Variants in TEDC1 observed in about 807,000 individuals in gnomAD.
TEDC1 encodes tubulin epsilon and delta complex 1.
TEDC1 carries 54 observed loss-of-function variants against 59.9 expected under a neutral mutation model. That is an observed-to-expected ratio of 0.90 (90% CI 0.72 to 1.13). The LOEUF is 1.13. Among genes scored for constraint, TEDC1 ranks in the 50% most tolerant of loss-of-function variants. The pLI is 0.00. For synonymous variants in TEDC1, 353 were observed against 298.1 expected (o/e 1.18, Z -1.90); for missense variants, 734 against 683.4 (o/e 1.07, Z -0.83).
chr14:105,494,175 G>A (rs943940867), intron 5 of TEDC1: 5 of 570,922 alleles, frequency 8.8e-6, no homozygotes, highest in South Asian at 4.0e-5. Flanking sequence ...ACGGGTGGGG[G>A]CCCAGGACGC....
chr14:105,491,521 C>G lies in TEDC1; in HGVS notation c.146C>G (p.Ala49Gly). 1 of 1,518,060 alleles carries G rather than the reference C, an allele frequency of 6.6e-7. No individual in the cohort carries two copies. The highest frequency in any genetic ancestry group is 1.2e-5 in the South Asian group (1 of 80,050). 94.0% of individuals were successfully genotyped at this position (1,518,060 alleles called of 1,614,324 possible). A position where few individuals can be genotyped will look rare whatever the true frequency, so the allele number is the denominator to read the frequency against. Residue 49 changes from alanine (A) to glycine (G), a missense_variant and splice_region_variant, in exon 1 of 9, where the codon GCG becomes GGG. Ala to Gly is a moderately conservative substitution (Grantham distance 60, BLOSUM62 0). Coordinates refer to ENST00000392523, the MANE Select transcript of TEDC1 (RefSeq NM_001367178.1). ...CGCGCCAAGTTCGACCGTCCGGAGG[C>G]GGTGACGCTCTCGCGGAGGGCAGGC... Reference protein sequence around the residue: ...FRRAKFDRPEATSALWQLLFR... With the variant: ...FRRAKFDRPEGTSALWQLLFR...
chr14:105,492,077 TC>T (rs1466969918), intron 2 of TEDC1, 29 bp from the exon 3 acceptor site: 17 of 1,559,578 alleles, frequency 1.1e-5, no homozygotes, highest in Non-Finnish European at 1.0e-5. Context: ...AGGTGGGTGG[TC>T]CCCCTAAGGT....
chr14:105,493,990 GGGACTGCCCAGGGTGGGAGGGGCCT>G, intron 5 of TEDC1, 57 bp downstream of exon 5: 4 of 714,472 alleles, frequency 5.6e-6, no homozygotes, highest in East Asian at 4.1e-5. Context: ...GCACAGCAGG[GGGACTGCCCAGGGTGGGAGGGGCCT>G]GGGGGCGGGG....
Position 105,498,857 on chromosome 14 carries a change from C to T in TEDC1, c.1399C>T (p.Arg467Cys), listed in dbSNP as rs150700739. The part of the protein sequence containing the change: ...SQEACLEAVL[R>C]RLQGQCRQEL... ...GGAGGCCTGCCTGGAGGCGGTGCTACGTCGACTACAGGGACAGTGTCGGCA... is the reference window on the plus strand; with the variant it reads ...GGAGGCCTGCCTGGAGGCGGTGCTATGTCGACTACAGGGACAGTGTCGGCA... Residue 467 changes from arginine to cysteine, a missense_variant, in exon 9 of 9, where the codon CGT becomes TGT. Transcript: ENST00000392523. The T allele has an allele frequency of 9.6e-5, 155 of 1,611,728 alleles. No individual in the cohort carries two copies. The highest frequency in any genetic ancestry group is 8.5e-4 in the East Asian group (38 of 44,818).
intron 5 of TEDC1, chr14:105,494,431 C>T: frequency 5.9e-6 from 1 of 169,582 alleles, no homozygotes; most frequent in Non-Finnish European, 1.3e-5. Flanking sequence ...CTGGACCGAG[C>T]CTCCCAAGCT....
chr14:105,495,889 G>A lies in TEDC1; in HGVS notation c.694G>A (p.Ala232Thr), dbSNP rs2084333842. Residue 232 changes from alanine to threonine, a missense_variant, in exon 6 of 9, where the codon GCG becomes ACG. Transcript: ENST00000392523. The part of the protein sequence containing the change: ...DPEGGQQVSG[A>T]GAAQNLDLAY... ...CTGGCTTCCTTCCAAGGTTTCTGGA[G>A]CGGGAGCTGCCCAAAACCTGGACCT... is the stretch of plus-strand genomic sequence containing the variant. 1 of 1,549,706 alleles carries A rather than the reference G, an allele frequency of 6.5e-7. No individual in the cohort carries two copies. Among genetic ancestry groups the A allele is most frequent in the Non-Finnish European group, 8.7e-7 (1 of 1,146,686 alleles).
rs2084232082 is a variant in TEDC1, at chr14:105,492,240, A to C, written c.360A>C (p.Arg120=). ...LLLALSWLLA[R]GPVPEQMLAQ... is the part of the protein sequence containing the mutation. ...TGGCTCTGTCCTGGCTCTTGGCCCG[A>C]GGACCTGTGCCCGAGCAGATGCTGG... The change falls in exon 3 of 9, where the codon CGA becomes CGC. Residue 120 remains arginine (R), a synonymous_variant. Coordinates refer to ENST00000392523, the MANE Select transcript of TEDC1 (RefSeq NM_001367178.1). 6.2e-7 allele frequency: 1 copy of C among 1,611,314 alleles called. No individual in the cohort carries two copies. The highest frequency in any genetic ancestry group is 8.5e-7 in the Non-Finnish European group (1 of 1,179,972).
rs2084374621 is a variant in TEDC1, at chr14:105,497,537, A to G, written c.978+94A>G. 2.8e-6 allele frequency: 4 copies of G among 1,407,708 alleles called. No homozygotes were observed. The East Asian group carries it at 1.0e-4, about 35-fold the overall frequency. 87.2% of individuals were successfully genotyped at this position (1,407,708 alleles called of 1,614,324 possible). On this transcript the variant is annotated intron_variant, in intron 7 of 8. Coordinates refer to ENST00000392523, the MANE Select transcript of TEDC1 (RefSeq NM_001367178.1). ...ATCTTCCTGTTTTCCAGACAGGAAG[A>G]GGGGCTTTTAGGGAGGCCACAGACC...
intron 5 of TEDC1, 147 bp from the exon 6 acceptor site, chr14:105,495,733 G>GGCCCCAGGCTGCTCCT: frequency 1.5e-6 from 1 of 685,992 alleles, no homozygotes; most frequent in Non-Finnish European, 2.4e-6. Flanking sequence ...AGGCTGCCCT[G>GGCCCCAGGCTGCTCCT]GCCCCAGGCT....
intron 2 of TEDC1, 34 bp from the exon 3 acceptor site, chr14:105,492,073 G>A (rs1555439504): frequency 6.4e-7 from 1 of 1,556,510 alleles, no homozygotes; most frequent in Admixed American, 1.9e-5. Flanking sequence ...CTCCAGGTGG[G>A]TGGTCCCCCT....
rs1016548900 is a variant in TEDC1, at chr14:105,496,059, C to T, written c.864C>T (p.Ala288=). The T allele has an allele frequency of 1.2e-5, 19 of 1,537,616 alleles. No homozygotes were observed. In the Admixed American group the frequency reaches 3.6e-4, roughly 29 times the overall value. ...CCTTGGATCCTGGTGGGGCCTCAGC[C>T]TGCAGCCTGCTCTCCCCTTTTAGGG... is the stretch of plus-strand genomic sequence containing the variant. The part of the protein sequence containing the change: ...AAPLDPGGAS[A]CSLLSPFRAL... The change falls in exon 6 of 9, where the codon GCC becomes GCT. Residue 288 remains alanine (A), a synonymous_variant. Coordinates refer to ENST00000392523, the MANE Select transcript of TEDC1 (RefSeq NM_001367178.1).
At chr14:105,491,240 G>T (rs968010777), upstream of TEDC1, 11 of 1,538,946 alleles carry the variant, frequency 7.1e-6, no homozygotes, top group African/African-American at 1.4e-5. Flanking sequence ...TGCCATGATT[G>T]GGCTCAGGTT....
chr14:105,491,295 A>C lies in TEDC1; in HGVS notation c.-81A>C. ...GGCGCAGGTCCCAGCCGCCGCACTA[A>C]ACCCGGCCCGTGCGGTGATTGGACG... On this transcript the variant is annotated 5_prime_UTR_variant, in exon 1 of 9. Coordinates refer to ENST00000392523, the MANE Select transcript of TEDC1 (RefSeq NM_001367178.1). 6.7e-7 allele frequency: 1 copy of C among 1,503,104 alleles called. No individual in the cohort carries two copies. The highest frequency in any genetic ancestry group is 8.9e-7 in the Non-Finnish European group (1 of 1,128,790). 93.1% of individuals were successfully genotyped at this position (1,503,104 alleles called of 1,614,324 possible).
chr14:105,490,816 G>T, upstream of TEDC1: 1 of 611,854 alleles, frequency 1.6e-6, no homozygotes. Flanking sequence ...TGCGTAAGCG[G>T]CCCCACAGGG....
At chr14:105,490,882 T>A (rs1555439071), upstream of TEDC1, 4 of 836,024 alleles carry the variant, frequency 4.8e-6, no homozygotes, top group East Asian at 1.1e-4. Context: ...CCAAGGGGCG[T>A]GAGGCGCTGA....
chr14:105,492,066 C>A (rs1384281113), intron 2 of TEDC1, 41 bp from the exon 3 acceptor site: 3 of 1,549,398 alleles, frequency 1.9e-6, no homozygotes, highest in African/African-American at 2.7e-5. Flanking sequence ...GTGTCACCTC[C>A]AGGTGGGTGG....
At chr14:105,498,593 C>T (rs1555440985) in intron 8 of TEDC1, 24 bp from the exon 9 acceptor site, 2 of 1,513,000 alleles carry the variant, frequency 1.3e-6, no homozygotes, top group Non-Finnish European at 1.8e-6. Flanking sequence ...GGGGACAGAG[C>T]CATTGCCATT....
rs1555440352 is a variant in TEDC1 at position 105,495,956 on chromosome 14, T to A, written c.761T>A (p.Met254Lys). Residue 254 changes from methionine to lysine, a missense_variant, in exon 6 of 9, where the codon ATG becomes AAG. Coordinates refer to ENST00000392523, the MANE Select transcript of TEDC1 (RefSeq NM_001367178.1). The stretch of plus-strand genomic sequence containing the variant: ...CTGCACTCCTTCTGCACTCCTGGGA[T>A]GGGTCCCAGAACCTTCTGGAATGAT... ...KCLHSFCTPG[M>K]GPRTFWNDLW... 14 of 1,550,228 alleles carry A rather than the reference T, an allele frequency of 9.0e-6. No homozygotes were observed. Among genetic ancestry groups the A allele is most frequent in the Non-Finnish European group, 1.2e-5 (14 of 1,146,940 alleles).
At chr14:105,491,812 CACTG>C (rs1265607419) in intron 2 of TEDC1, 112 bp downstream of exon 2, 2 of 1,255,816 alleles carry the variant, frequency 1.6e-6, no homozygotes, top group Non-Finnish European at 2.2e-6. Context: ...CCCCACCCAA[CACTG>C]ACCCCGCTTG....
Sources: allele counts gnomAD v4.1 joint callset, GRCh38; gene constraint gnomAD v4.1.1; transcripts MANE v1.5; gene names NCBI Gene and HGNC (gene_info 2026-07-23, HGNC 2026-07-21).